CACNA1C: variants seen among roughly 807,000 people sequenced by gnomAD.
The protein encoded by CACNA1C is voltage-dependent L-type calcium channel subunit alpha-1C.
CACNA1C carries 30 observed loss-of-function variants against 229.0 expected under a neutral mutation model. The ratio of observed to expected loss-of-function variants is 0.13; its 90% CI spans 0.10 to 0.18. CACNA1C has a LOEUF of 0.18. CACNA1C is among the 10% of genes least tolerant of loss of function. The pLI is 1.00. For synonymous variants in CACNA1C, 1,114 were observed against 1,132.5 expected, an observed-to-expected ratio of 0.98 and a Z score of 0.33; for missense variants, 1,658 against 2,845.0, an observed-to-expected ratio of 0.58 and a Z score of 9.49.
At chr12:2,159,903 C>T (rs956892136) in intron 3 of CACNA1C, among the ~76,000 whole-genome samples, 2 of 152,230 alleles carry the variant, frequency 1.3e-5, no homozygotes, top group African/African-American at 4.8e-5. Context: ...CGCTCCTGGC[C>T]TAGACTTATT....
intron 5 of CACNA1C, among the ~76,000 whole-genome samples, chr12:2,463,981 T>C (rs1049890082): frequency 2.0e-5 from 3 of 152,132 alleles, no homozygotes; most frequent in African/African-American, 4.8e-5. Flanking sequence ...ATATTTGCAA[T>C]GTATATGCAA....
At chr12:2,091,064 G>A (rs1379893621) in intron 1 of CACNA1C, among the ~76,000 whole-genome samples, 5 of 152,246 alleles carry the variant, frequency 3.3e-5, no homozygotes, top group African/African-American at 9.6e-5. Flanking sequence ...ATCAATACTC[G>A]AGGATTTCTC....
chr12:2,634,972 G>A, intron 30 of CACNA1C, among the ~76,000 whole-genome samples: 1 of 152,206 alleles, frequency 6.6e-6, no homozygotes, highest in East Asian at 1.9e-4. Context: ...AGCAGCCCAT[G>A]CAGGCATCCA....
intron 19 of CACNA1C, 56 bp downstream of exon 19, chr12:2,593,401 A>G: frequency 1.3e-6 from 2 of 1,591,622 alleles, no homozygotes; most frequent in South Asian, 1.1e-5. Flanking sequence ...CCAGCCTGGC[A>G]GTTGCCTGTA....
chr12:2,515,953 T>C (rs565424491), intron 9 of CACNA1C, among the ~76,000 whole-genome samples: 3 of 152,178 alleles, frequency 2.0e-5, no homozygotes, highest in Non-Finnish European at 2.9e-5. Flanking sequence ...TAGACACTGG[T>C]GATAGAGCAG....
At chr12:2,304,907 G>C (rs1279343267) in intron 3 of CACNA1C, among the ~76,000 whole-genome samples, 1 of 152,210 alleles carries the variant, frequency 6.6e-6, no homozygotes, top group Non-Finnish European at 1.5e-5. Flanking sequence ...CATGCCCGGG[G>C]GCTTTATGTT....
At chr12:2,076,179 T>C (rs1266012981) in intron 1 of CACNA1C, among the ~76,000 whole-genome samples, 3 of 152,214 alleles carry the variant, frequency 2.0e-5, no homozygotes, top group African/African-American at 7.2e-5. Context: ...CAGGCTTGCC[T>C]TCGATTCCCA....
At chr12:2,211,336 G>A (rs2097911603) in intron 3 of CACNA1C, among the ~76,000 whole-genome samples, 1 of 152,256 alleles carries the variant, frequency 6.6e-6, no homozygotes, top group Non-Finnish European at 1.5e-5. Flanking sequence ...CTGGTGGTGA[G>A]AACGTCAGGT....
chr12:2,646,707 G>T lies in CACNA1C; in HGVS notation c.3913-1768G>T, dbSNP rs1007708127. Among the ~76,000 whole-genome samples the T allele has an allele frequency of 1.3e-5, 2 of 152,020 alleles. No homozygotes were observed. Among genetic ancestry groups the T allele is most frequent in the Non-Finnish European group, 2.9e-5 (2 of 68,006 alleles). On this transcript the variant is annotated intron_variant, in intron 30 of 46. Coordinates refer to ENST00000399655, the MANE Select transcript of CACNA1C (RefSeq NM_000719.7). This position sits in a 1 kb window ranked among gnomAD's most constrained non-coding sequence, Gnocchi z 4.6. ...AACTATCACACACCAGAGCAAAAGG[G>T]GTTTAGGTGCTTTGCCAAGAAATTT...
intron 3 of CACNA1C, among the ~76,000 whole-genome samples, chr12:2,317,742 T>A (rs1012395403): frequency 3.9e-5 from 6 of 152,080 alleles, no homozygotes; most frequent in African/African-American, 1.2e-4. Flanking sequence ...ACAGAAGAAA[T>A]CCCTCCAAGC....
chr12:2,571,486 A>G (rs1242207284), intron 13 of CACNA1C, among the ~76,000 whole-genome samples: 1 of 152,242 alleles, frequency 6.6e-6, no homozygotes, highest in African/African-American at 2.4e-5. Flanking sequence ...TCTATAGAAA[A>G]GAAATCTTGC....
At chr12:2,635,475 G>A (rs1325945783) in intron 30 of CACNA1C, among the ~76,000 whole-genome samples, 1 of 152,178 alleles carries the variant, frequency 6.6e-6, no homozygotes, top group Non-Finnish European at 1.5e-5. Context: ...GCACAGAGCA[G>A]ATGCTTTAGA....
At chr12:2,421,057 C>T (rs1241409031) in intron 3 of CACNA1C, among the ~76,000 whole-genome samples, 1 of 152,194 alleles carries the variant, frequency 6.6e-6, no homozygotes, top group Admixed American at 6.5e-5. Flanking sequence ...AAGTCTCCAT[C>T]AGTGTCAAGA....
chr12:2,691,176 A>C lies in CACNA1C; in HGVS notation c.6394A>C (p.Arg2132=), dbSNP rs766262489. ...GAGTGAGGAGGAGCTCCAGGACAGC[A>C]GGGTCTACGTCAGCAGCCTGTAGTG... is the stretch of plus-strand genomic sequence containing the variant. ...RPSEEELQDS[R]VYVSSL Residue 2132 remains arginine, a synonymous_variant, in exon 47 of 47, where the codon AGG becomes CGG. Coordinates refer to ENST00000399655, the MANE Select transcript of CACNA1C (RefSeq NM_000719.7). 1.3e-5 allele frequency: 21 copies of C among 1,594,212 alleles called. No individual in the cohort carries two copies. The highest frequency in any genetic ancestry group is 1.7e-5 in the Non-Finnish European group (20 of 1,167,834).
intron 3 of CACNA1C, among the ~76,000 whole-genome samples, chr12:2,232,221 T>C (rs909416111): frequency 6.8e-6 from 1 of 147,024 alleles, no homozygotes; most frequent in Non-Finnish European, 1.5e-5. Flanking sequence ...TTCTCAGTCT[T>C]TCCTTGTTTT....
chr12:2,281,009 C>T (rs568732920), intron 3 of CACNA1C, among the ~76,000 whole-genome samples: 36 of 152,206 alleles, frequency 2.4e-4, no homozygotes, highest in African/African-American at 7.5e-4. Flanking sequence ...ATGTGCACAA[C>T]GTGCAGGTTA....
chr12:2,561,711 C>T (rs1329260157), intron 11 of CACNA1C, among the ~76,000 whole-genome samples: 2 of 152,114 alleles, frequency 1.3e-5, no homozygotes, highest in Non-Finnish European at 2.9e-5. Flanking sequence ...GCTGGGGCTG[C>T]GAGAGCAGAA....
chr12:2,299,526 G>T (rs140149463), intron 3 of CACNA1C, among the ~76,000 whole-genome samples: 332 of 152,250 alleles, frequency 2.2e-3, no homozygotes, highest in African/African-American at 7.5e-3. Flanking sequence ...TGTGGGACCA[G>T]TGCTTCTCAG....
intron 5 of CACNA1C, among the ~76,000 whole-genome samples, chr12:2,485,729 C>T (rs1049360664): frequency 3.3e-5 from 5 of 152,132 alleles, no homozygotes; most frequent in African/African-American, 7.2e-5. Context: ...CCTGCAGGGC[C>T]GTCTTGAGTC....
Sources: gnomAD v4.1 joint callset for allele counts (sites outside exome capture counted in the v4.1 genomes callset) on GRCh38, gnomAD v4.1.1 for gene constraint, Gnocchi (gnomAD v3.1) non-coding constraint, MANE v1.5 for transcripts, NCBI Gene and HGNC (gene_info 2026-07-23, HGNC 2026-07-21) for gene names.